ATP10B: variants seen among roughly 807,000 people sequenced by gnomAD.
ATP10B encodes the protein ATPase phospholipid transporting 10B (putative), also known as phospholipid-transporting ATPase VB.
Under a neutral mutation model 141.2 loss-of-function variants are expected in ATP10B, and 122 were observed. The observed-to-expected ratio is 0.86, with a 90% CI of 0.75 to 1.00. The LOEUF (loss-of-function observed/expected upper bound fraction) is 1.00. Ranked by LOEUF, ATP10B falls within the 50% of genes least tolerant of loss-of-function variation. The pLI, the probability that ATP10B is intolerant of heterozygous loss-of-function variation, is 0.00. For missense variants in ATP10B, 1,876 were observed against 1,825.3 expected (o/e 1.03, Z -0.51); for synonymous variants, 685 against 692.0 (o/e 0.99, Z 0.16).
At chr5:160,914,166 GTTTT>G in the ATP10B span, among the ~76,000 whole-genome samples, 2 of 152,078 alleles carry the variant, frequency 1.3e-5, no homozygotes, top group Non-Finnish European at 2.9e-5. Context: ...AATTGAACAG[GTTTT>G]TTTATGTTTT....
Position 160,669,922 on chromosome 5 carries a change from A to AAAAAAAAAAAAAAAAAG in ATP10B, c.675+540_675+541insCTTTTTTTTTTTTTTTT, listed in dbSNP as rs1202583963. ...CCCAGTGGAGACCCAGTCTCTTAAAAAAAAAAAGATATCAGTGATCTCTGT... is the reference window on the plus strand; with the variant it reads ...CCCAGTGGAGACCCAGTCTCTTAAAAAAAAAAAAAAAAAAAAGAAAAAAAGATATCAGTGATCTCTGT... On this transcript the variant is annotated intron_variant, in intron 7 of 25. Coordinates refer to ENST00000327245, the MANE Select transcript of ATP10B (RefSeq NM_025153.3). 8.3e-4 allele frequency among the ~76,000 whole-genome samples: 125 copies of AAAAAAAAAAAAAAAAAG among 150,790 alleles called. 5 individuals are homozygous for AAAAAAAAAAAAAAAAAG. Among genetic ancestry groups the AAAAAAAAAAAAAAAAAG allele is most frequent in the African/African-American group, 3.0e-3 (122 of 41,126 alleles).
At chr5:160,892,042 C>T in the ATP10B span, among the ~76,000 whole-genome samples, 1 of 152,154 alleles carries the variant, frequency 6.6e-6, no homozygotes, top group Non-Finnish European at 1.5e-5. Flanking sequence ...AGCAGAGAAA[C>T]AATATTACAT....
intron 2 of ATP10B, among the ~76,000 whole-genome samples, chr5:160,767,634 A>ACCCC (rs1561833441): frequency 3.3e-5 from 3 of 92,302 alleles, no homozygotes; most frequent in African/African-American, 7.8e-5. Flanking sequence ...ATGTGTGCAG[A>ACCCC]ACCCCCCCCC....
chr5:160,580,047 C>T (rs1755446128), intron 24 of ATP10B, among the ~76,000 whole-genome samples: 1 of 152,056 alleles, frequency 6.6e-6, no homozygotes, highest in African/African-American at 2.4e-5. Flanking sequence ...TGCTTATCAG[C>T]TTAAGATTTG....
At chr5:160,924,606 G>T in the ATP10B span, among the ~76,000 whole-genome samples, 1 of 152,142 alleles carries the variant, frequency 6.6e-6, no homozygotes, top group African/African-American at 2.4e-5. Flanking sequence ...AGAAGCCAGG[G>T]CCCACCTAGT....
intron 16 of ATP10B, among the ~76,000 whole-genome samples, chr5:160,616,542 G>C (rs1045641705): frequency 1.3e-5 from 2 of 152,184 alleles, no homozygotes; most frequent in African/African-American, 4.8e-5. Flanking sequence ...GCAGCCTGTA[G>C]AGCACTCCAC....
intron 24 of ATP10B, among the ~76,000 whole-genome samples, chr5:160,582,864 C>T (rs991025624): frequency 6.6e-6 from 1 of 152,100 alleles, no homozygotes; most frequent in Non-Finnish European, 1.5e-5. Flanking sequence ...TCCACTTGAT[C>T]GATTCAGCTA....
At chr5:160,775,882 C>T (rs763559545) in intron 2 of ATP10B, among the ~76,000 whole-genome samples, 9 of 151,936 alleles carry the variant, frequency 5.9e-5, no homozygotes, top group Admixed American at 2.0e-4. Context: ...GGGGTTTCAC[C>T]GTGTTAGCCA....
chr5:160,602,506 C>T, intron 21 of ATP10B, 71 bp downstream of exon 21: 1 of 1,603,524 alleles, frequency 6.2e-7, no homozygotes, highest in Non-Finnish European at 8.5e-7. Flanking sequence ...TTGCCCACTG[C>T]TAGGGAGAGA....
At chr5:160,672,492 A>C (rs1762773046) in intron 6 of ATP10B, among the ~76,000 whole-genome samples, 1 of 152,210 alleles carries the variant, frequency 6.6e-6, no homozygotes, top group African/African-American at 2.4e-5. Context: ...CATGTGACAC[A>C]GTTTCAAGAT....
chr5:160,588,586 T>C (rs547809889), intron 24 of ATP10B, among the ~76,000 whole-genome samples: 89 of 152,214 alleles, frequency 5.8e-4, no homozygotes, highest in Non-Finnish European at 1.1e-3. Flanking sequence ...GCATGGATGT[T>C]AAAGGCTCAC....
the ATP10B span, among the ~76,000 whole-genome samples, chr5:160,901,736 T>A: frequency 6.6e-6 from 1 of 152,194 alleles, no homozygotes; most frequent in Non-Finnish European, 1.5e-5. Context: ...ATTCATTGAA[T>A]ATTTGGTTCA....
At chr5:160,575,432 T>G (rs369224567) in intron 24 of ATP10B, among the ~76,000 whole-genome samples, 6 of 152,092 alleles carry the variant, frequency 3.9e-5, no homozygotes, top group African/African-American at 1.5e-4. Context: ...TACCACCTTT[T>G]TGTTTAAAGA....
chr5:160,880,281 CTA>C, the ATP10B span, among the ~76,000 whole-genome samples: 1 of 145,108 alleles, frequency 6.9e-6, no homozygotes, highest in African/African-American at 2.5e-5. Context: ...ATAAAAGAAA[CTA>C]TGATGAAAGA....
At chr5:160,579,259 A>G (rs1256793057) in intron 24 of ATP10B, among the ~76,000 whole-genome samples, 1 of 152,150 alleles carries the variant, frequency 6.6e-6, no homozygotes, top group Non-Finnish European at 1.5e-5. Flanking sequence ...TATGTCCTGA[A>G]TGGTATTGCC....
chr5:160,653,158 TAA>T (rs1761030110), intron 7 of ATP10B, among the ~76,000 whole-genome samples: 1 of 131,354 alleles, frequency 7.6e-6, no homozygotes, highest in Non-Finnish European at 1.5e-5. Flanking sequence ...TATAAATACA[TAA>T]TATATATTAT....
intron 7 of ATP10B, among the ~76,000 whole-genome samples, chr5:160,662,492 C>T (rs1336526765): frequency 6.6e-6 from 1 of 152,154 alleles, no homozygotes; most frequent in Non-Finnish European, 1.5e-5. Context: ...AATAATGCCA[C>T]ATATCTACAA....
At chr5:160,659,739 C>A (rs367618638) in intron 7 of ATP10B, among the ~76,000 whole-genome samples, 2 of 151,966 alleles carry the variant, frequency 1.3e-5, no homozygotes, top group East Asian at 3.9e-4. Flanking sequence ...TGCCCCATCA[C>A]CATCAAGTTA....
chr5:160,684,786 CA>C, intron 6 of ATP10B: 1 of 628,590 alleles, frequency 1.6e-6, no homozygotes, highest in Non-Finnish European at 2.8e-6. Flanking sequence ...ATAGCAGCCA[CA>C]AAAAGATCAG....
Sources: allele counts gnomAD v4.1 joint callset (sites outside exome capture counted in the v4.1 genomes callset), GRCh38; gene constraint gnomAD v4.1.1; transcripts MANE v1.5; gene names NCBI Gene and HGNC (gene_info 2026-07-23, HGNC 2026-07-21).